Variants in EXOSC10 observed in about 807,000 individuals in gnomAD.
The protein encoded by EXOSC10 is exosome complex component 10.
EXOSC10 carries 94 observed loss-of-function variants against 126.6 expected under a neutral mutation model. The ratio of observed to expected loss-of-function variants is 0.74; its 90% CI spans 0.63 to 0.88. The LOEUF (loss-of-function observed/expected upper bound fraction) is 0.88. EXOSC10 is among the 40% of genes least tolerant of loss of function. EXOSC10 has a pLI of 0.00. For synonymous variants in EXOSC10, 395 were observed against 400.8 expected (o/e 0.99, Z 0.17); for missense variants, 1,041 against 1,100.5 (o/e 0.95, Z 0.77).
In EXOSC10 at chr1:11,081,150, C is replaced by T. The variant is rs1640145877; in HGVS notation, c.1369G>A (p.Glu457Lys). The T allele has an allele frequency of 6.2e-7, 1 of 1,614,004 alleles. No individual in the cohort carries two copies. Among genetic ancestry groups the T allele is most frequent in the South Asian group, 1.1e-5 (1 of 91,082 alleles). ...TGCACCGGCTGCCCGTTGCCGCGCTCCCACATCTCCAGCCTCATTTTGTCA... is the reference window on the plus strand; with the variant it reads ...TGCACCGGCTGCCCGTTGCCGCGCTTCCACATCTCCAGCCTCATTTTGTCA... ...IYDKMRLEMW[E>K]RGNGQPVQLQ... Residue 457 changes from glutamate to lysine, a missense_variant, in exon 11 of 25, where the codon GAG becomes AAG. Physicochemically the swap from Glu to Lys is moderately conservative, Grantham distance 56. Transcript: ENST00000376936.
chr1:11,094,938 G>A (rs983523066), intron 3 of EXOSC10, among the ~76,000 whole-genome samples: 8 of 152,076 alleles, frequency 5.3e-5, no homozygotes, highest in Non-Finnish European at 1.5e-5. Context: ...CAGGCTCAGT[G>A]AGGTGGCTCA....
At chr1:11,079,456 C>G (rs1166803137) in intron 14 of EXOSC10, among the ~76,000 whole-genome samples, 1 of 144,724 alleles carries the variant, frequency 6.9e-6, no homozygotes, top group African/African-American at 2.6e-5. Flanking sequence ...TGCAGTGGCG[C>G]GATCTCGGCT....
chr1:11,069,772 C>G, intron 21 of EXOSC10, 42 bp from the exon 22 acceptor site: 2 of 1,606,306 alleles, frequency 1.2e-6, no homozygotes, highest in Non-Finnish European at 1.7e-6. Context: ...CAGGGAGGCA[C>G]ATGGGAACAG....
At chr1:11,088,852 T>C (rs1640642063) in intron 6 of EXOSC10, among the ~76,000 whole-genome samples, 1 of 152,212 alleles carries the variant, frequency 6.6e-6, no homozygotes, top group Admixed American at 6.5e-5. Context: ...CAAAGTCCAT[T>C]TGTCTATTTT....
At chr1:11,084,031 T>TG (rs1295359154) in intron 9 of EXOSC10, among the ~76,000 whole-genome samples, 2 of 152,230 alleles carry the variant, frequency 1.3e-5, no homozygotes, top group African/African-American at 2.4e-5. Context: ...CTATCATTGT[T>TG]GGACATTTGG....
At chr1:11,092,516 TTTTTC>T (rs1640863222) in intron 3 of EXOSC10, among the ~76,000 whole-genome samples, 1 of 145,572 alleles carries the variant, frequency 6.9e-6, no homozygotes, top group African/African-American at 2.6e-5. Flanking sequence ...CCTGGCCCTG[TTTTTC>T]TTTTTTTTTT....
At position 11,069,099 on chromosome 1, in the gene EXOSC10, T is replaced by C. The variant is rs192077733; in HGVS notation, c.2489-393A>G. 3.2e-4 allele frequency among the ~76,000 whole-genome samples: 48 copies of C among 152,230 alleles called. 1 individual carries two copies. Among genetic ancestry groups the C allele is most frequent in the Admixed American group, 2.9e-3 (45 of 15,280 alleles). On this transcript the variant is annotated intron_variant, in intron 22 of 24. Transcript: ENST00000376936. ...CTGCTTTCTCTTTTCCAAAGGAGCA[T>C]GTTGCTCCGAAGGCTGCTAGAGTCG...
intron 10 of EXOSC10, among the ~76,000 whole-genome samples, chr1:11,082,273 A>C (rs1371833684): frequency 6.6e-6 from 1 of 151,922 alleles, no homozygotes; most frequent in Non-Finnish European, 1.5e-5. Flanking sequence ...GCTCAGTGTA[A>C]AGCTAAACAA....
intron 19 of EXOSC10, among the ~76,000 whole-genome samples, chr1:11,073,656 A>C (rs1054968323): frequency 1.3e-5 from 2 of 151,834 alleles, no homozygotes; most frequent in African/African-American, 4.8e-5. Flanking sequence ...TTGGGAGGCC[A>C]AGGCGGGTGG....
chr1:11,067,881 T>G (rs1570778285), intron 24 of EXOSC10, 127 bp downstream of exon 24: 1 of 730,732 alleles, frequency 1.4e-6, no homozygotes, highest in Non-Finnish European at 2.3e-6. Context: ...CTGTGGGAGG[T>G]TCTCTGAGTC....
At chr1:11,092,959 TA>T (rs1168482085) in intron 3 of EXOSC10, among the ~76,000 whole-genome samples, 3 of 152,358 alleles carry the variant, frequency 2.0e-5, no homozygotes, top group African/African-American at 7.2e-5. Context: ...TGAGCACATT[TA>T]AAGCAGGTTC....
chr1:11,087,931 G>C, intron 7 of EXOSC10, 21 bp from the exon 8 acceptor site: 1 of 1,459,558 alleles, frequency 6.9e-7, no homozygotes, highest in Non-Finnish European at 9.5e-7. Flanking sequence ...AGAATAGTAA[G>C]AAAAAGGGAG....
rs371318008 is a variant in EXOSC10, at chr1:11,081,145, G to A, written c.1374C>T (p.Arg458=). The change falls in exon 11 of 25, where the codon CGC becomes CGT. Residue 458 remains arginine, a synonymous_variant. Coordinates refer to ENST00000376936, the MANE Select transcript of EXOSC10 (RefSeq NM_001001998.3). ...YDKMRLEMWE[R]GNGQPVQLQV... is the part of the protein sequence containing the mutation. ...GCAGCTGCACCGGCTGCCCGTTGCC[G>A]CGCTCCCACATCTCCAGCCTCATTT... 69 of 1,614,046 alleles carry A rather than the reference G, an allele frequency of 4.3e-5. No individual in the cohort carries two copies. Among genetic ancestry groups the A allele is most frequent in the African/African-American group, 2.1e-4 (16 of 74,912 alleles).
chr1:11,067,447 A>G (rs547728028), intron 24 of EXOSC10, among the ~76,000 whole-genome samples: 359 of 150,742 alleles, frequency 2.4e-3, no homozygotes, highest in African/African-American at 8.5e-3. Flanking sequence ...AGAAAAAAAA[A>G]AAAAACATTA....
Position 11,090,644 on chromosome 1 carries a change from C to T in EXOSC10, c.668G>A (p.Arg223His), listed in dbSNP as rs1188088244. Residue 223 changes from arginine to histidine, a missense_variant, in exon 6 of 25, where the codon CGC becomes CAC. By Grantham distance (29) the Arg-to-His change is conservative. This residue lies in a region of EXOSC10 where 645 missense variants were observed against 656.3 expected (regional missense o/e 0.98). Transcript: ENST00000376936. ...CAAGTCCTCAGGACGATCCTGTGGG[C>T]GTTCCCGCCTTTCCTTAGAGAGAGC... ...PQALSKERRE[R>H]PQDRPEDLDV... 7 of 1,612,058 alleles carry T rather than the reference C, an allele frequency of 4.3e-6. No homozygotes were observed. The highest frequency in any genetic ancestry group is 2.2e-5 in the South Asian group (2 of 90,870).
intron 20 of EXOSC10, 95 bp from the exon 21 acceptor site, chr1:11,071,068 G>C (rs1440804794): frequency 9.1e-7 from 1 of 1,102,446 alleles, no homozygotes; most frequent in Non-Finnish European, 1.3e-6. Context: ...AGCCACAGGG[G>C]TTGTCACGGC....
intron 3 of EXOSC10, among the ~76,000 whole-genome samples, chr1:11,092,634 C>A (rs1434012355): frequency 6.6e-6 from 1 of 151,812 alleles, no homozygotes; most frequent in Non-Finnish European, 1.5e-5. Flanking sequence ...TCTCATGCCT[C>A]AGCCTCCCGA....
chr1:11,084,349 G>A (rs1640367675), intron 9 of EXOSC10, among the ~76,000 whole-genome samples: 1 of 152,170 alleles, frequency 6.6e-6, no homozygotes, highest in Non-Finnish European at 1.5e-5. Context: ...ATCTCACTGT[G>A]GTTTCGATTT....
chr1:11,097,327 G>A (rs1302093607), intron 2 of EXOSC10, among the ~76,000 whole-genome samples: 2 of 151,812 alleles, frequency 1.3e-5, no homozygotes, highest in Non-Finnish European at 2.9e-5. Context: ...GCAGTGAGCC[G>A]AGATTGAGCC....
Sources: gnomAD v4.1 joint callset for allele counts (sites outside exome capture counted in the v4.1 genomes callset) on GRCh38, gnomAD v4.1.1 for gene constraint, gnomAD v4.1.1 regional missense constraint, MANE v1.5 for transcripts, NCBI Gene and HGNC (gene_info 2026-07-23, HGNC 2026-07-21) for gene names.